Variants in TAOK2 observed in about 807,000 individuals in gnomAD.
TAOK2 encodes serine/threonine-protein kinase TAO2.
A neutral mutation model predicts 122.5 loss-of-function variants in TAOK2; 42 were observed. The observed-to-expected ratio is 0.34, with a 90% CI of 0.27 to 0.44. TAOK2 has a LOEUF of 0.44. Among genes scored for constraint, TAOK2 ranks in the 20% least tolerant of loss-of-function variants. The pLI is 1.00. For missense variants in TAOK2, 1,264 were observed against 1,644.9 expected (o/e 0.77, Z 4.01); for synonymous variants, 704 against 677.6 (o/e 1.04, Z -0.61).
rs778002938 is a variant in TAOK2, at chr16:29,979,163, C to G, written c.450-32C>G. 416 of 1,610,972 alleles carry G rather than the reference C, an allele frequency of 2.6e-4. No individual in the cohort carries two copies. Among genetic ancestry groups the G allele is most frequent in the Non-Finnish European group, 3.4e-4 (396 of 1,177,262 alleles). ...GCCCCTGCCTAGCTTTCTTGAGACA[C>G]ATGTCTCATCCCTGTACTTTGCCTC... On this transcript the variant is annotated intron_variant, in intron 6 of 15. Coordinates refer to ENST00000308893, the MANE Select transcript of TAOK2 (RefSeq NM_016151.4). The surrounding 1 kb of genome is among the most constrained non-coding windows in gnomAD (Gnocchi z 4.1).
chr16:29,985,867 C>T lies in TAOK2; in HGVS notation c.1992+6C>T, dbSNP rs747575202. On this transcript the variant is annotated splice_donor_region_variant and intron_variant, in intron 15 of 15. Coordinates refer to ENST00000308893, the MANE Select transcript of TAOK2 (RefSeq NM_016151.4). This position sits in a 1 kb window ranked among gnomAD's most constrained non-coding sequence, Gnocchi z 6.9. Reference sequence around the variant, plus strand: ...ACCAGGACCTGCTGCGGGAGGTAGGCATCCCAATCTCTGTTCCCCTCCCGC... The same window carrying T: ...ACCAGGACCTGCTGCGGGAGGTAGGTATCCCAATCTCTGTTCCCCTCCCGC... The T allele has an allele frequency of 9.3e-6, 15 of 1,610,928 alleles. No individual in the cohort carries two copies. Among genetic ancestry groups the T allele is most frequent in the Non-Finnish European group, 1.3e-5 (15 of 1,179,330 alleles).
rs754883286 is a variant in TAOK2, at chr16:29,979,526, G to C, written c.655+18G>C. On this transcript the variant is annotated intron_variant, in intron 8 of 15. Coordinates refer to ENST00000308893, the MANE Select transcript of TAOK2 (RefSeq NM_016151.4). This position sits in a 1 kb window ranked among gnomAD's most constrained non-coding sequence, Gnocchi z 4.1. ...CGAGCTGGGTAAGAACATCCTCCCTGTTCCCTCATCATCTTTTCCATTCTT... is the reference window on the plus strand; with the variant it reads ...CGAGCTGGGTAAGAACATCCTCCCTCTTCCCTCATCATCTTTTCCATTCTT... 1.5e-5 allele frequency: 22 copies of C among 1,497,546 alleles called. No individual in the cohort carries two copies. Among genetic ancestry groups the C allele is most frequent in the Non-Finnish European group, 1.7e-5 (19 of 1,120,282 alleles). 92.8% of individuals were successfully genotyped at this position (1,497,546 alleles called of 1,614,324 possible).
chr16:29,977,256 C>T (rs564499101), intron 1 of TAOK2, among the ~76,000 whole-genome samples: 11 of 152,300 alleles, frequency 7.2e-5, no homozygotes, highest in South Asian at 2.1e-4. Context: ...CCACCGCCTC[C>T]GGCCTGGCCA....
At chr16:29,991,860 T>A (rs961166940), downstream of TAOK2, 1 of 306,788 alleles carries the variant, frequency 3.3e-6, no homozygotes, top group Non-Finnish European at 5.9e-6. The surrounding 1 kb of genome is among the most constrained non-coding windows in gnomAD (Gnocchi z 5.6). Context: ...ATTCATCTAG[T>A]CCCCTGGGGG....
Position 29,985,917 on chromosome 16 carries a change from C to T in TAOK2, c.1992+56C>T. 2 of 1,563,980 alleles carry T rather than the reference C, an allele frequency of 1.3e-6. No individual in the cohort carries two copies. Among genetic ancestry groups the T allele is most frequent in the Admixed American group, 1.8e-5 (1 of 54,286 alleles). ...CTCACTCGTGGATCCCAGGGACCCA[C>T]CCTTTTCCATTTTCCTCATTCTTGT... On this transcript the variant is annotated intron_variant, in intron 15 of 15. Transcript: ENST00000308893. The surrounding 1 kb of genome is among the most constrained non-coding windows in gnomAD (Gnocchi z 6.9).
chr16:29,975,104 G>A (rs1000650947), intron 1 of TAOK2, among the ~76,000 whole-genome samples: 2 of 152,120 alleles, frequency 1.3e-5, no homozygotes, highest in African/African-American at 4.8e-5. Flanking sequence ...GGAAGTGTGT[G>A]TATATGTGTT....
At chr16:29,981,810 C>T (rs775517428) in intron 9 of TAOK2, 49 bp from the exon 10 acceptor site, 2 of 1,607,426 alleles carry the variant, frequency 1.2e-6, no homozygotes, top group Non-Finnish European at 1.7e-6. Context: ...GGTATGGATG[C>T]CTGACTCATG....
chr16:29,988,365 A>G lies in TAOK2; in HGVS notation c.*385A>G, dbSNP rs1366507337. The G allele has an allele frequency of 1.5e-6, 2 of 1,345,942 alleles. No individual in the cohort carries two copies. The highest frequency in any genetic ancestry group is 2.2e-5 in the Admixed American group (1 of 44,802). The allele number at this position is 1,345,942 out of a possible 1,614,324, so 83.4% of individuals were successfully genotyped here. A position where few individuals can be genotyped will look rare whatever the true frequency, so the allele number is the denominator to read the frequency against. On this transcript the variant is annotated 3_prime_UTR_variant, in exon 16 of 16. Transcript: ENST00000308893. Reference sequence around the variant, plus strand: ...TTCCCCCCACCAAAAAAAGAAAAAGACAAACACAAATAAAATATCTGAGCG... The same window carrying G: ...TTCCCCCCACCAAAAAAAGAAAAAGGCAAACACAAATAAAATATCTGAGCG...
At chr16:29,982,082 G>T in intron 10 of TAOK2, 142 bp downstream of exon 10, 3 of 661,484 alleles carry the variant, frequency 4.5e-6, no homozygotes, top group Non-Finnish European at 7.9e-6. Flanking sequence ...AATGCCTAGT[G>T]GACTCTGTGT....
chr16:29,991,793 T>C (rs1030169555), downstream of TAOK2: 7 of 461,522 alleles, frequency 1.5e-5, no homozygotes, highest in Non-Finnish European at 2.6e-5. This position sits in a 1 kb window ranked among gnomAD's most constrained non-coding sequence, Gnocchi z 5.6. Flanking sequence ...CTCCCTACCA[T>C]GGTGCCAGGG....
At chr16:29,978,030 A>C (rs991673195) in intron 2 of TAOK2, 59 bp from the exon 3 acceptor site, 1 of 1,612,796 alleles carries the variant, frequency 6.2e-7, no homozygotes, top group Non-Finnish European at 8.5e-7. Context: ...TGGGCCAGCA[A>C]GTCTTCCCAT....
At position 29,986,708 on chromosome 16, in the gene TAOK2, G is replaced by A; in HGVS notation, c.2436G>A (p.Lys812=). 1 of 1,614,008 alleles carries A rather than the reference G, an allele frequency of 6.2e-7. No homozygotes were observed. The highest frequency in any genetic ancestry group is 8.5e-7 in the Non-Finnish European group (1 of 1,179,970). The change falls in exon 16 of 16, where the codon AAG becomes AAA. Residue 812 remains lysine (K), a synonymous_variant. Transcript: ENST00000308893. This position sits in a 1 kb window ranked among gnomAD's most constrained non-coding sequence, Gnocchi z 4.2. ...LGKEGATLEP[K]QQRILGEESG... The stretch of plus-strand genomic sequence containing the variant: ...AGGAAGGGGCCACTTTGGAGCCCAA[G>A]CAGCAGAGGATTCTGGGGGAAGAAT...
In TAOK2 at chr16:29,983,510, A is replaced by G. The variant is rs769323834; in HGVS notation, c.1268A>G (p.Asp423Gly). Reference protein sequence around the residue: ...SSIIHRLPGSDNLYDDPYQPE... With the variant: ...SSIIHRLPGSGNLYDDPYQPE... ...CCTTCTATCTCCCTCTAGGGCTCTGACAACCTATATGATGACCCCTACCAG... is the reference window on the plus strand; with the variant it reads ...CCTTCTATCTCCCTCTAGGGCTCTGGCAACCTATATGATGACCCCTACCAG... The change falls in exon 13 of 16, where the codon GAC becomes GGC. Residue 423 changes from aspartate (D) to glycine (G), a missense_variant. By Grantham distance (94) the Asp-to-Gly change is moderately conservative. Transcript: ENST00000308893. The G allele has an allele frequency of 2.1e-5, 33 of 1,608,062 alleles. No homozygotes were observed. Among genetic ancestry groups the G allele is most frequent in the Non-Finnish European group, 2.7e-5 (32 of 1,175,730 alleles).
downstream of TAOK2, chr16:29,988,715 G>A: frequency 1.0e-6 from 1 of 985,310 alleles, no homozygotes; most frequent in South Asian, 4.7e-5. Context: ...TCCCAACCAT[G>A]GCTGCAGGGG....
intron 1 of TAOK2, among the ~76,000 whole-genome samples, chr16:29,975,231 G>A (rs184426803): frequency 6.6e-6 from 1 of 152,212 alleles, no homozygotes; most frequent in African/African-American, 2.4e-5. Flanking sequence ...TTTGTCAAAC[G>A]ATCTGTCTTT....
In TAOK2 at chr16:29,979,041, A is replaced by G; in HGVS notation, c.420A>G (p.Ala140=). ...AVTHGALQGL[A]YLHSHNMIHR... ...CCCACGGGGCGCTTCAGGGCCTGGC[A>G]TATCTGCACTCCCACAACATGATCC... The change falls in exon 6 of 16, where the codon GCA becomes GCG. Residue 140 remains alanine, a synonymous_variant. Coordinates refer to ENST00000308893, the MANE Select transcript of TAOK2 (RefSeq NM_016151.4). The surrounding 1 kb of genome is among the most constrained non-coding windows in gnomAD (Gnocchi z 4.1). 7 of 1,614,168 alleles carry G rather than the reference A, an allele frequency of 4.3e-6. No individual in the cohort carries two copies. The highest frequency in any genetic ancestry group is 5.9e-6 in the Non-Finnish European group (7 of 1,180,026).
intron 1 of TAOK2, 93 bp from the exon 2 acceptor site, chr16:29,977,645 A>C: frequency 9.3e-5 from 103 of 1,112,766 alleles, no homozygotes; most frequent in Middle Eastern, 3.0e-4. Context: ...TCATCAGGGA[A>C]TGAGGGGAGG....
chr16:29,977,357 T>G (rs1382598044), intron 1 of TAOK2, among the ~76,000 whole-genome samples: 2 of 151,900 alleles, frequency 1.3e-5, no homozygotes, highest in Non-Finnish European at 2.9e-5. Context: ...ACAGTTGGGG[T>G]ATAGGACTTA....
chr16:29,989,036 TCTC>T (rs994456702), downstream of TAOK2: 116 of 985,204 alleles, frequency 1.2e-4, 1 homozygote, highest in Non-Finnish European at 1.2e-4. Flanking sequence ...GCTCGGTGCT[TCTC>T]CTCCTTCCCT....
Sources: gnomAD v4.1 joint callset for allele counts (sites outside exome capture counted in the v4.1 genomes callset) on GRCh38, gnomAD v4.1.1 for gene constraint, Gnocchi (gnomAD v3.1) non-coding constraint, MANE v1.5 for transcripts, NCBI Gene and HGNC (gene_info 2026-07-23, HGNC 2026-07-21) for gene names.